ARHGEF9: variants seen among roughly 807,000 people sequenced by gnomAD.
ARHGEF9 encodes rho guanine nucleotide exchange factor 9.
In ARHGEF9, 2 loss-of-function variants were observed where a neutral mutation model predicts 41.3. The observed-to-expected ratio is 0.05, with a 90% CI of 0.02 to 0.15. ARHGEF9 has a LOEUF of 0.15. ARHGEF9 is among the 10% of genes least tolerant of loss of function. ARHGEF9 has a pLI of 1.00. For missense variants in ARHGEF9, 225 were observed against 424.7 expected (o/e 0.53, Z 4.13); for synonymous variants, 160 against 154.4 (o/e 1.04, Z -0.27).
At chrX:63,745,656 T>C (rs1232875387) in intron 1 of ARHGEF9, among the ~76,000 whole-genome samples, 5 of 111,311 alleles carry the variant, frequency 4.5e-5, no homozygotes, top group Non-Finnish European at 3.8e-5. Context: ...TTTTCTCACT[T>C]GTAAAAAAAG....
intron 4 of ARHGEF9, among the ~76,000 whole-genome samples, chrX:63,690,516 C>T (rs1556380346): frequency 2.7e-5 from 3 of 111,429 alleles, no homozygotes; most frequent in South Asian, 3.7e-4. Flanking sequence ...CAAAGAAAAG[C>T]CAAGGACCTT....
intron 1 of ARHGEF9, among the ~76,000 whole-genome samples, chrX:63,725,375 C>T (rs1348894885): frequency 4.5e-5 from 5 of 111,987 alleles, no homozygotes; most frequent in African/African-American, 1.6e-4. Flanking sequence ...GTGATTTGTA[C>T]AACCATCCTG....
intron 3 of ARHGEF9, among the ~76,000 whole-genome samples, chrX:63,705,249 C>T (rs1192371410): frequency 9.0e-6 from 1 of 110,591 alleles, no homozygotes; most frequent in Non-Finnish European, 1.9e-5. Context: ...CCACAGTGGA[C>T]CCTAGGCTGG....
At chrX:63,654,324 A>C (rs1183274215) in intron 8 of ARHGEF9, among the ~76,000 whole-genome samples, 1 of 111,823 alleles carries the variant, frequency 8.9e-6, no homozygotes, top group African/African-American at 3.2e-5. Flanking sequence ...CTTCTAATTG[A>C]TTCAGGGTCT....
intron 1 of ARHGEF9, among the ~76,000 whole-genome samples, chrX:63,772,517 C>T (rs1205297977): frequency 1.8e-5 from 2 of 112,033 alleles, no homozygotes; most frequent in Admixed American, 1.9e-4. Context: ...ACTTAATCCT[C>T]ACAATAACAG....
At chrX:63,686,701 T>G (rs1602398939) in intron 4 of ARHGEF9, among the ~76,000 whole-genome samples, 2 of 110,689 alleles carry the variant, frequency 1.8e-5, no homozygotes, top group Non-Finnish European at 3.8e-5. Flanking sequence ...AATAGCACAG[T>G]ATATGTAGCT....
chrX:63,771,719 A>T (rs781982341), intron 1 of ARHGEF9, among the ~76,000 whole-genome samples: 35 of 110,662 alleles, frequency 3.2e-4, no homozygotes, highest in African/African-American at 1.1e-3. Context: ...GGCATGAGCC[A>T]CCGCGACTGG....
At chrX:63,740,847 C>A (rs1168454286) in intron 1 of ARHGEF9, among the ~76,000 whole-genome samples, 1 of 111,578 alleles carries the variant, frequency 9.0e-6, no homozygotes, top group African/African-American at 3.3e-5. Context: ...GCTTGAGGAA[C>A]TCTAAAAATA....
At chrX:63,731,359 A>G in intron 1 of ARHGEF9, among the ~76,000 whole-genome samples, 1 of 110,710 alleles carries the variant, frequency 9.0e-6, no homozygotes, top group Non-Finnish European at 1.9e-5. Flanking sequence ...ACAGCCTTGA[A>G]AACGCTCTGG....
intron 4 of ARHGEF9, among the ~76,000 whole-genome samples, chrX:63,687,486 C>G (rs1192714463): frequency 9.0e-6 from 1 of 110,974 alleles, no homozygotes; most frequent in Non-Finnish European, 1.9e-5. Context: ...AAAGAGCAAA[C>G]AGGAAACCAT....
chrX:63,669,886 C>T (rs1569455473), intron 6 of ARHGEF9, among the ~76,000 whole-genome samples: 1 of 112,054 alleles, frequency 8.9e-6, no homozygotes, highest in Non-Finnish European at 1.9e-5. Context: ...TTGTCATGTT[C>T]ACTGATGTCT....
chrX:63,690,210 G>T (rs2147401715), intron 4 of ARHGEF9, among the ~76,000 whole-genome samples: 1 of 109,775 alleles, frequency 9.1e-6, no homozygotes, highest in South Asian at 3.8e-4. Flanking sequence ...ATGAAAAGTT[G>T]TTTTTTTTGA....
chrX:63,740,844 G>A (rs1351368497), intron 1 of ARHGEF9, among the ~76,000 whole-genome samples: 1 of 111,460 alleles, frequency 9.0e-6, no homozygotes, highest in African/African-American at 3.3e-5. Context: ...CCAGCTTGAG[G>A]AACTCTAAAA....
chrX:63,776,814 C>T (rs782779809), intron 1 of ARHGEF9, among the ~76,000 whole-genome samples: 3 of 111,868 alleles, frequency 2.7e-5, no homozygotes, highest in South Asian at 3.8e-4. Flanking sequence ...CCAAGCTGTA[C>T]GGCACTTTTA....
At chrX:63,698,060 T>C (rs1411070223) in intron 3 of ARHGEF9, among the ~76,000 whole-genome samples, 17 of 108,331 alleles carry the variant, frequency 1.6e-4, no homozygotes, top group Non-Finnish European at 2.7e-4. Context: ...TATGTGTGCC[T>C]GGACATGGTG....
intron 8 of ARHGEF9, among the ~76,000 whole-genome samples, chrX:63,650,241 A>G (rs1382808182): frequency 9.0e-6 from 1 of 111,643 alleles, no homozygotes; most frequent in Non-Finnish European, 1.9e-5. Context: ...TGTTTATCAC[A>G]GCATTATTCA....
intron 6 of ARHGEF9, among the ~76,000 whole-genome samples, chrX:63,666,489 T>C (rs200655294): frequency 0.026 from 569 of 21,899 alleles, 5 homozygotes; most frequent in Non-Finnish European, 0.041. Context: ...CACACACACA[T>C]ATATATATTT....
At chrX:63,766,436 G>A (rs1316950846) in intron 1 of ARHGEF9, among the ~76,000 whole-genome samples, 1 of 111,755 alleles carries the variant, frequency 8.9e-6, no homozygotes, top group Non-Finnish European at 1.9e-5. Flanking sequence ...TCTTACCTGG[G>A]CCAAAAGAAA....
rs190955424 is a variant in ARHGEF9, at chrX:63,729,778, G to C, written c.31-5067C>G. Among the ~76,000 whole-genome samples, 29 of 112,002 alleles carry C rather than the reference G, an allele frequency of 2.6e-4. No individual in the cohort carries two copies. In the East Asian group the frequency reaches 7.3e-3, roughly 28 times the overall value. ...AAGCACTAAATATAGGGAAGCTCTTGCTCAGACTTACAAGTGAGTGGGACA... is the reference window on the plus strand; with the variant it reads ...AAGCACTAAATATAGGGAAGCTCTTCCTCAGACTTACAAGTGAGTGGGACA... On this transcript the variant is annotated intron_variant, in intron 1 of 9. Coordinates refer to ENST00000671741, the MANE Select transcript of ARHGEF9 (RefSeq NM_001353921.2).
Sources: gnomAD v4.1 joint callset for allele counts (sites outside exome capture counted in the v4.1 genomes callset) on GRCh38, gnomAD v4.1.1 for gene constraint, MANE v1.5 for transcripts, NCBI Gene and HGNC (gene_info 2026-07-23, HGNC 2026-07-21) for gene names.